REELD1: variants seen among roughly 807,000 people sequenced by gnomAD.
The protein encoded by REELD1 is reeler domain containing 1.
A neutral mutation model predicts 6.3 loss-of-function variants in REELD1; 12 were observed. The observed-to-expected ratio is 1.89, with a 90% CI of 1.21 to 3.07. The LOEUF is 3.07. Among genes scored for constraint, REELD1 ranks in the 30% most tolerant of loss-of-function variants. REELD1 has a pLI of 0.00. For synonymous variants in REELD1, 57 were observed against 33.6 expected (o/e 1.70, Z -2.42); for missense variants, 163 against 86.8 (o/e 1.88, Z -3.49).
intron 2 of REELD1, 108 bp from the exon 3 acceptor site, chr4:146,216,832 ATC>A (rs1303916177): frequency 2.5e-6 from 1 of 397,458 alleles, no homozygotes; most frequent in East Asian, 3.6e-5. Context: ...CACTAAAAGC[ATC>A]TCAGGTACAG....
intron 6 of REELD1, among the ~76,000 whole-genome samples, chr4:146,228,779 T>C (rs28457074): frequency 0.041 from 6,236 of 152,200 alleles, 408 homozygotes; most frequent in African/African-American, 0.14. Context: ...ATATTTTAAA[T>C]ATATTTATAA....
At chr4:146,223,052 G>T (rs906961422) in intron 4 of REELD1, among the ~76,000 whole-genome samples, 1 of 152,198 alleles carries the variant, frequency 6.6e-6, no homozygotes, top group African/African-American at 2.4e-5. Flanking sequence ...ATATGGATGA[G>T]AGAGCCTACG....
In REELD1 at chr4:146,231,681, C is replaced by T. The variant is rs926670638; in HGVS notation, c.*1168C>T. On this transcript the variant is annotated 3_prime_UTR_variant, in exon 8 of 8. Transcript: ENST00000623665. ...TACGGGAACTGTGCTAAGTAGTTTGCGTATATCTTCACATTTAACTCTCAC... is the reference window on the plus strand; with the variant it reads ...TACGGGAACTGTGCTAAGTAGTTTGTGTATATCTTCACATTTAACTCTCAC... Among the ~76,000 whole-genome samples, 2 of 152,130 alleles carry T rather than the reference C, an allele frequency of 1.3e-5. No homozygotes were observed.
intron 5 of REELD1, among the ~76,000 whole-genome samples, chr4:146,226,572 A>T (rs1410028338): frequency 6.6e-6 from 1 of 152,126 alleles, no homozygotes; most frequent in African/African-American, 2.4e-5. Flanking sequence ...GAAGGGGTGA[A>T]CAAGCTCCCT....
chr4:146,229,867 C>G, intron 7 of REELD1, 38 bp from the exon 8 acceptor site: 1 of 398,602 alleles, frequency 2.5e-6, no homozygotes, highest in Non-Finnish European at 4.4e-6. Context: ...AGGAGGAAGA[C>G]CAGTACCTTT....
chr4:146,224,251 T>C (rs1167485261), intron 4 of REELD1, among the ~76,000 whole-genome samples, 194 bp from the exon 5 acceptor site: 1 of 152,240 alleles, frequency 6.6e-6, no homozygotes, highest in Non-Finnish European at 1.5e-5. Flanking sequence ...TTTGCAACTA[T>C]GGGGTTTTTG....
rs146508277 is a variant in REELD1, at chr4:146,225,800, CCT to C, written c.595+1193_595+1194del. ...TTTCTATGCCTGACTCCGCTGGAAA[CCT>C]TGTCCGCTGGGGGTTGCAGCCTCCA... is the stretch of plus-strand genomic sequence containing the variant. On this transcript the variant is annotated intron_variant, in intron 5 of 7. Transcript: ENST00000623665. Among the ~76,000 whole-genome samples, 449 of 152,274 alleles carry C rather than the reference CCT, an allele frequency of 2.9e-3. 9 individuals carry two copies. Among genetic ancestry groups the C allele is most frequent in the Admixed American group, 0.02 (303 of 15,300 alleles).
intron 5 of REELD1, 133 bp from the exon 6 acceptor site, chr4:146,228,077 C>T: frequency 4.9e-6 from 3 of 607,478 alleles, no homozygotes; most frequent in Non-Finnish European, 5.9e-6. Context: ...CTTTTAAGTG[C>T]CTCACACTTA....
chr4:146,216,030 C>T (rs748943902), intron 2 of REELD1, among the ~76,000 whole-genome samples: 1 of 152,136 alleles, frequency 6.6e-6, no homozygotes, highest in Non-Finnish European at 1.5e-5. Context: ...GGATTACAGG[C>T]GTGAGCCACC....
intron 5 of REELD1, 30 bp downstream of exon 5, chr4:146,224,638 G>A (rs1401394182): frequency 5.7e-6 from 4 of 699,412 alleles, no homozygotes; most frequent in Non-Finnish European, 1.0e-5. Context: ...TTGCCAGGCT[G>A]GTTGTCATCA....
At chr4:146,217,196 G>C in intron 3 of REELD1, 36 bp downstream of exon 3, 1 of 398,898 alleles carries the variant, frequency 2.5e-6, no homozygotes. Context: ...ACTCCGAGGA[G>C]CCCCAGAGCC....
rs1344094948 is a variant in REELD1, at chr4:146,222,508, C to G, written c.360C>G (p.Asp120Glu). The G allele has an allele frequency of 2.5e-6, 1 of 398,524 alleles. No homozygotes were observed. Among genetic ancestry groups the G allele is most frequent in the Non-Finnish European group, 4.4e-6 (1 of 226,082 alleles). The allele number at this position is 398,524 out of a possible 1,614,324, so 24.7% of individuals were successfully genotyped here. A position where few individuals can be genotyped will look rare whatever the true frequency, so the allele number is the denominator to read the frequency against. The change falls in exon 4 of 8, where the codon GAC becomes GAG. Residue 120 changes from aspartate (D) to glutamate (E), a missense_variant. Coordinates refer to ENST00000623665, the MANE Select transcript of REELD1 (RefSeq NM_001354631.1). Reference sequence around the variant, plus strand: ...AGGCTGATGCAGTCACCCACTCTGACAAGTCCCTGAAGAGAAACCTGTCAT... The same window carrying G: ...AGGCTGATGCAGTCACCCACTCTGAGAAGTCCCTGAAGAGAAACCTGTCAT... The part of the protein sequence containing the change: ...FQEADAVTHS[D>E]KSLKRNLSFV...
chr4:146,217,138 T>C lies in REELD1; in HGVS notation c.186T>C (p.Tyr62=), dbSNP rs542451469. 6.0e-5 allele frequency: 24 copies of C among 399,708 alleles called. No individual in the cohort carries two copies. The highest frequency in any genetic ancestry group is 4.9e-4 in the African/African-American group (24 of 48,750). 24.8% of individuals were successfully genotyped at this position (399,708 alleles called of 1,614,324 possible). ...CCATCCACACCCACAGGACTTCCTA[T>C]GCACCAGGTGACAAGATTCCAGGTA... ...HITIHTHRTS[Y]APGDKIPVTV... Residue 62 remains tyrosine, a synonymous_variant, in exon 3 of 8, where the codon TAT becomes TAC. Transcript: ENST00000623665.
chr4:146,225,433 A>G (rs1214173612), intron 5 of REELD1, among the ~76,000 whole-genome samples: 1 of 152,134 alleles, frequency 6.6e-6, no homozygotes. Flanking sequence ...TCCAATCAGA[A>G]TCCCTGCCTC....
rs973768569 is a variant in REELD1, at chr4:146,232,200, C to T, written c.*1687C>T. ...TTTCCTATGTAAACAGACTGTTTTG[C>T]TTGTCTATTGATGTGAACAAATTAC... On this transcript the variant is annotated 3_prime_UTR_variant, in exon 8 of 8. Coordinates refer to ENST00000623665, the MANE Select transcript of REELD1 (RefSeq NM_001354631.1). 20 of 152,166 alleles carry T rather than the reference C, an allele frequency of 1.3e-4. No homozygotes were observed. Among genetic ancestry groups the T allele is most frequent in the African/African-American group, 4.8e-4 (20 of 41,436 alleles). The allele number at this position is 152,166 out of a possible 1,614,324, so 9.4% of individuals were successfully genotyped here. A position where few individuals can be genotyped will look rare whatever the true frequency, so the allele number is the denominator to read the frequency against.
rs1238525158 is a variant in REELD1, at chr4:146,228,486, C to G, written c.872C>G (p.Ser291Ter). 3 of 702,374 alleles carry G rather than the reference C, an allele frequency of 4.3e-6. No individual in the cohort carries two copies. Among genetic ancestry groups the G allele is most frequent in the Non-Finnish European group, 7.8e-6 (3 of 384,988 alleles). 43.5% of individuals were successfully genotyped at this position (702,374 alleles called of 1,614,324 possible). A position where few individuals can be genotyped will look rare whatever the true frequency, so the allele number is the denominator to read the frequency against. ...CTCGTGGCCCTCAAGAGAGTCTCCT[C>G]AGAGAGCTTTGCTTCCAGCCTTAGC... ...ERLVALKRVS[S>*]ESFASSLSTH... Residue 291 changes from serine (S) to a stop codon, truncating the protein, a stop_gained, in exon 6 of 8, where the codon TCA (serine) becomes TGA (stop). Transcript: ENST00000623665. LOFTEE classifies it high-confidence loss of function.
chr4:146,220,136 G>T (rs569681352), intron 3 of REELD1, among the ~76,000 whole-genome samples: 42 of 152,228 alleles, frequency 2.8e-4, no homozygotes, highest in Non-Finnish European at 5.0e-4. Flanking sequence ...TTTTAGTACA[G>T]ATGGGGTTTC....
At chr4:146,217,301 T>G (rs1730844749) in intron 3 of REELD1, 141 bp downstream of exon 3, 2 of 396,132 alleles carry the variant, frequency 5.0e-6, no homozygotes, top group Non-Finnish European at 8.9e-6. Flanking sequence ...AGAGATGGAG[T>G]CTCACTGTGT....
chr4:146,228,584 A>C lies in REELD1; in HGVS notation c.908+62A>C. 4 of 629,446 alleles carry C rather than the reference A, an allele frequency of 6.4e-6. No homozygotes were observed. The South Asian group carries it at 7.3e-5, about 11-fold the overall frequency. 39.0% of individuals were successfully genotyped at this position (629,446 alleles called of 1,614,324 possible). A position where few individuals can be genotyped will look rare whatever the true frequency, so the allele number is the denominator to read the frequency against. Reference sequence around the variant, plus strand: ...GGGACTAGGATGAACACTGGAGTGCATCATGTGGAGTCTGACAAAAAAGAT... The same window carrying C: ...GGGACTAGGATGAACACTGGAGTGCCTCATGTGGAGTCTGACAAAAAAGAT... On this transcript the variant is annotated intron_variant, in intron 6 of 7. Coordinates refer to ENST00000623665, the MANE Select transcript of REELD1 (RefSeq NM_001354631.1).
Sources: gnomAD v4.1 joint callset for allele counts (sites outside exome capture counted in the v4.1 genomes callset) on GRCh38, gnomAD v4.1.1 for gene constraint, MANE v1.5 for transcripts, NCBI Gene and HGNC (gene_info 2026-07-23, HGNC 2026-07-21) for gene names.